Variants in ABLIM1 observed in about 807,000 individuals in gnomAD.
ABLIM1 encodes the protein actin-binding LIM protein 1.
A neutral mutation model predicts 107.0 loss-of-function variants in ABLIM1; 40 were observed. The observed-to-expected ratio is 0.37, with a 90% CI of 0.29 to 0.49. The LOEUF (loss-of-function observed/expected upper bound fraction) is 0.49, where lower values mean the gene tolerates loss of function less well. ABLIM1 is among the 20% of genes least tolerant of loss of function. ABLIM1 has a pLI of 0.97. For missense variants in ABLIM1, 857 were observed against 1,008.5 expected, an observed-to-expected ratio of 0.85 and a Z score of 2.04; for synonymous variants, 357 against 357.3, an observed-to-expected ratio of 1.00 and a Z score of 0.01.
At chr10:114,691,287 G>A (rs950693101) in intron 1 of ABLIM1, among the ~76,000 whole-genome samples, 1 of 152,136 alleles carries the variant, frequency 6.6e-6, no homozygotes, top group Non-Finnish European at 1.5e-5. Context: ...ACACGTGGAT[G>A]CCAATTAATT....
intron 4 of ABLIM1, among the ~76,000 whole-genome samples, chr10:114,560,171 G>C (rs2138259279): frequency 6.6e-6 from 1 of 152,294 alleles, no homozygotes; most frequent in African/African-American, 2.4e-5. Flanking sequence ...TTAAAAACAA[G>C]TACTCAGACA....
intron 1 of ABLIM1, among the ~76,000 whole-genome samples, chr10:114,755,625 A>G (rs536812250): frequency 6.6e-6 from 1 of 152,380 alleles, no homozygotes; most frequent in East Asian, 1.9e-4. Flanking sequence ...GGCTTTGTAC[A>G]GAGAGTAAAA....
chr10:114,659,410 G>A (rs142371042), upstream of ABLIM1, among the ~76,000 whole-genome samples: 528 of 152,084 alleles, frequency 3.5e-3, 3 homozygotes, highest in African/African-American at 0.012. Context: ...CCAGCTACTC[G>A]GGAGGCTGAG....
intron 4 of ABLIM1, among the ~76,000 whole-genome samples, chr10:114,565,930 G>A (rs1214395720): frequency 6.6e-6 from 1 of 151,634 alleles, no homozygotes; most frequent in East Asian, 1.9e-4. Flanking sequence ...GAGTAGCTGG[G>A]ACTATAGGCG....
intron 6 of ABLIM1, among the ~76,000 whole-genome samples, chr10:114,518,804 A>G: frequency 6.9e-6 from 1 of 144,088 alleles, no homozygotes; most frequent in South Asian, 2.4e-4. Flanking sequence ...TTTATTTACG[A>G]TGAGCTCACA....
chr10:114,798,136 A>G, the ABLIM1 span, among the ~76,000 whole-genome samples: 1 of 152,198 alleles, frequency 6.6e-6, no homozygotes, highest in African/African-American at 2.4e-5. Flanking sequence ...ATAATGTGCT[A>G]TTGGCCGGGC....
chr10:114,588,093 T>C (rs956869413), intron 2 of ABLIM1, among the ~76,000 whole-genome samples: 1 of 152,206 alleles, frequency 6.6e-6, no homozygotes, highest in African/African-American at 2.4e-5. Context: ...GCACTCAGAA[T>C]TTATGCTATG....
intron 8 of ABLIM1, among the ~76,000 whole-genome samples, chr10:114,476,646 A>AAATAAGAAT (rs1555068641): frequency 4.2e-5 from 6 of 143,284 alleles, no homozygotes; most frequent in African/African-American, 1.3e-4. Flanking sequence ...CTCTGCCTCA[A>AAATAAGAAT]AATAATAATA....
At chr10:114,439,796 C>T in intron 20 of ABLIM1, 2 of 504,640 alleles carry the variant, frequency 4.0e-6, no homozygotes, top group Non-Finnish European at 7.1e-6. Flanking sequence ...ATGAGCAGAC[C>T]CTTGATGCTG....
At chr10:114,701,360 T>C (rs1248313406) in intron 1 of ABLIM1, among the ~76,000 whole-genome samples, 1 of 152,142 alleles carries the variant, frequency 6.6e-6, no homozygotes, top group African/African-American at 2.4e-5. Flanking sequence ...GTTTGACAAT[T>C]TTTCTTATTA....
At chr10:114,570,250 A>C (rs2071445213) in intron 4 of ABLIM1, among the ~76,000 whole-genome samples, 1 of 152,276 alleles carries the variant, frequency 6.6e-6, no homozygotes, top group South Asian at 2.1e-4. Flanking sequence ...TAATGCATCA[A>C]CTTCAAATGT....
chr10:114,579,172 A>G (rs2073044125), intron 2 of ABLIM1, among the ~76,000 whole-genome samples: 1 of 146,128 alleles, frequency 6.8e-6, no homozygotes, highest in South Asian at 2.2e-4. Flanking sequence ...GCTCTGCTGT[A>G]GTAAAACAAT....
chr10:114,539,446 C>T (rs1194129838), intron 6 of ABLIM1, among the ~76,000 whole-genome samples: 1 of 152,142 alleles, frequency 6.6e-6, no homozygotes, highest in African/African-American at 2.4e-5. Context: ...TAAGAAAGCA[C>T]CATCAAAAAC....
intron 5 of ABLIM1, among the ~76,000 whole-genome samples, chr10:114,546,701 A>G (rs767410475): frequency 2.0e-5 from 3 of 152,262 alleles, no homozygotes; most frequent in Middle Eastern, 6.8e-3. Flanking sequence ...TTGTTTCACT[A>G]TATTTTTAAA....
At chr10:114,658,289 C>T, upstream of ABLIM1, 3 of 1,513,676 alleles carry the variant, frequency 2.0e-6, no homozygotes, top group South Asian at 1.4e-5. Flanking sequence ...CCCCTGGCTC[C>T]TTACTGTCTC....
chr10:114,612,130 T>C (rs887378421), intron 1 of ABLIM1, among the ~76,000 whole-genome samples: 2 of 152,206 alleles, frequency 1.3e-5, no homozygotes, highest in Non-Finnish European at 2.9e-5. Flanking sequence ...TCCAAAATCA[T>C]GCTGAAATTT....
chr10:114,748,580 CA>C (rs34184273), intron 1 of ABLIM1, among the ~76,000 whole-genome samples: 69,862 of 131,350 alleles, frequency 0.53, 17,957 homozygotes, highest in South Asian at 0.61. Flanking sequence ...TTGCCTGTTT[CA>C]AAAAAAAAAA....
intron 12 of ABLIM1, chr10:114,463,311 A>C: frequency 7.1e-6 from 6 of 841,200 alleles, no homozygotes; most frequent in Non-Finnish European, 9.6e-6. Flanking sequence ...GGAAGGAGAA[A>C]GGGTTAAGAG....
intron 6 of ABLIM1, among the ~76,000 whole-genome samples, chr10:114,499,462 G>A (rs895781530): frequency 3.9e-5 from 6 of 152,204 alleles, no homozygotes; most frequent in Non-Finnish European, 2.9e-5. Context: ...ACACAGCTCT[G>A]GTGGATGGTG....
Sources: gnomAD v4.1 joint callset for allele counts (sites outside exome capture counted in the v4.1 genomes callset) on GRCh38, gnomAD v4.1.1 for gene constraint, MANE v1.5 for transcripts, NCBI Gene and HGNC (gene_info 2026-07-23, HGNC 2026-07-21) for gene names.